Variants in DENND5B observed in about 807,000 individuals in gnomAD.
DENND5B encodes the protein DENN domain-containing protein 5B.
A neutral mutation model predicts 140.6 loss-of-function variants in DENND5B; 34 were observed. The observed-to-expected ratio is 0.24, with a 90% confidence interval of 0.18 to 0.32. The LOEUF is 0.32. Among genes scored for constraint, DENND5B ranks in the 10% least tolerant of loss-of-function variants. The pLI, the probability that DENND5B is intolerant of heterozygous loss-of-function variation, is 1.00. For synonymous variants in DENND5B, 551 were observed against 562.1 expected (o/e 0.98, Z 0.28); for missense variants, 1,142 against 1,560.2 (o/e 0.73, Z 4.52).
At chr12:31,546,973 CAAAG>C (rs1948885649) in intron 1 of DENND5B, among the ~76,000 whole-genome samples, 1 of 152,154 alleles carries the variant, frequency 6.6e-6, no homozygotes, top group African/African-American at 2.4e-5. Context: ...TTAACAGAAA[CAAAG>C]AGTCACACAT....
chr12:31,573,547 A>C (rs1226093066), intron 1 of DENND5B, among the ~76,000 whole-genome samples: 1 of 152,204 alleles, frequency 6.6e-6, no homozygotes, highest in Non-Finnish European at 1.5e-5. Flanking sequence ...AAAAAGCTAA[A>C]TTTTTACTCT....
At chr12:31,566,092 C>T (rs1295541846) in intron 1 of DENND5B, among the ~76,000 whole-genome samples, 1 of 152,114 alleles carries the variant, frequency 6.6e-6, no homozygotes, top group African/African-American at 2.4e-5. Context: ...TGGCAGTGAG[C>T]TGAGATCACA....
chr12:31,541,416 A>G (rs1027704735), intron 1 of DENND5B, among the ~76,000 whole-genome samples: 1 of 152,228 alleles, frequency 6.6e-6, no homozygotes, highest in African/African-American at 2.4e-5. Context: ...ACATTTCTCA[A>G]AAGACATACA....
chr12:31,446,012 GAA>G (rs140419035), intron 6 of DENND5B, among the ~76,000 whole-genome samples: 3 of 133,776 alleles, frequency 2.2e-5, no homozygotes, highest in African/African-American at 2.8e-5. Flanking sequence ...TGTCTCAAAA[GAA>G]AAAAAAAAAA....
At chr12:31,561,827 A>G (rs932124985) in intron 1 of DENND5B, among the ~76,000 whole-genome samples, 9 of 152,208 alleles carry the variant, frequency 5.9e-5, no homozygotes, top group Admixed American at 4.6e-4. Context: ...CAAACACATG[A>G]GCATTTTTTC....
intron 1 of DENND5B, chr12:31,534,714 A>G: frequency 6.4e-6 from 2 of 313,680 alleles, no homozygotes; most frequent in Non-Finnish European, 1.3e-5. Flanking sequence ...TAGAACCATT[A>G]AGACTGAGGT....
chr12:31,454,381 CTAAATAAA>C (rs1218887268), intron 4 of DENND5B, among the ~76,000 whole-genome samples: 4 of 152,144 alleles, frequency 2.6e-5, no homozygotes, highest in African/African-American at 9.7e-5. Flanking sequence ...GCAGTTTTCT[CTAAATAAA>C]TAAAGAGCTG....
chr12:31,555,427 AG>A (rs943855111), intron 1 of DENND5B, among the ~76,000 whole-genome samples: 2 of 152,140 alleles, frequency 1.3e-5, no homozygotes, highest in Non-Finnish European at 2.9e-5. Flanking sequence ...TTTGTCTCAG[AG>A]GAGTACCTGG....
At chr12:31,436,209 C>T (rs1412274596) in intron 7 of DENND5B, among the ~76,000 whole-genome samples, 1 of 151,804 alleles carries the variant, frequency 6.6e-6, no homozygotes, top group Non-Finnish European at 1.5e-5. Context: ...AAGTGATTCT[C>T]CTGCCTCAGC....
At position 31,532,067 on chromosome 12, in the gene DENND5B, C is replaced by G. The variant is rs768486832; in HGVS notation, c.128-36148G>C. On this transcript the variant is annotated intron_variant, in intron 1 of 20. Transcript: ENST00000389082. Reference sequence around the variant, plus strand: ...TGGAATTTCCAGTTTGGGGAGAAGACTGACATTAATCAAAGGAATGCAATT... The same window carrying G: ...TGGAATTTCCAGTTTGGGGAGAAGAGTGACATTAATCAAAGGAATGCAATT... Among the ~76,000 whole-genome samples, 233 of 152,280 alleles carry G rather than the reference C, an allele frequency of 1.5e-3. 3 individuals carry two copies. The highest frequency in any genetic ancestry group is 2.1e-3 in the Non-Finnish European group (145 of 68,030).
intron 6 of DENND5B, among the ~76,000 whole-genome samples, chr12:31,444,417 T>C (rs934792735): frequency 4.6e-5 from 7 of 152,150 alleles, no homozygotes; most frequent in Non-Finnish European, 5.9e-5. Context: ...CTAATTTTTG[T>C]ATTTTTAGTA....
chr12:31,389,592 T>C, intron 19 of DENND5B, 94 bp from the exon 20 acceptor site: 1 of 1,244,836 alleles, frequency 8.0e-7, no homozygotes, highest in Admixed American at 2.3e-5. Context: ...ACACTAACGA[T>C]GCTTTGCATA....
intron 14 of DENND5B, among the ~76,000 whole-genome samples, chr12:31,403,605 G>C (rs708197): frequency 1.4e-5 from 2 of 138,566 alleles, no homozygotes; most frequent in Admixed American, 7.1e-5. Flanking sequence ...AAAAAAAAAA[G>C]AAAGAAAAAA....
intron 1 of DENND5B, among the ~76,000 whole-genome samples, chr12:31,574,470 G>A (rs900521703): frequency 5.3e-5 from 8 of 151,774 alleles, no homozygotes; most frequent in Admixed American, 5.3e-4. Context: ...CATGCCTGTA[G>A]TCCCAGCTAC....
rs1041985566 is a variant in DENND5B at position 31,520,927 on chromosome 12, C to T, written c.128-25008G>A. 5.5e-4 allele frequency among the ~76,000 whole-genome samples: 83 copies of T among 152,064 alleles called. 1 individual carries two copies. Among genetic ancestry groups the T allele is most frequent in the African/African-American group, 2.0e-3 (81 of 41,398 alleles). On this transcript the variant is annotated intron_variant, in intron 1 of 20. Transcript: ENST00000389082. ...ACTTCTTGTATCCAAAATATTGCTC[C>T]AACATGTAATAAACATACAAAAATG...
intron 20 of DENND5B, among the ~76,000 whole-genome samples, chr12:31,388,502 T>C (rs1009523397): frequency 6.6e-6 from 1 of 152,148 alleles, no homozygotes; most frequent in Non-Finnish European, 1.5e-5. Context: ...CTTCAATGTT[T>C]CCTGATCAAA....
intron 1 of DENND5B, among the ~76,000 whole-genome samples, chr12:31,554,557 C>T (rs987146515): frequency 3.3e-5 from 5 of 152,200 alleles, no homozygotes; most frequent in South Asian, 2.1e-4. Flanking sequence ...GTTGCTCTCT[C>T]GAGGAGTATC....
intron 1 of DENND5B, among the ~76,000 whole-genome samples, chr12:31,570,733 G>A (rs1017363369): frequency 1.3e-5 from 2 of 151,886 alleles, no homozygotes; most frequent in African/African-American, 4.8e-5. Context: ...AATGAGAAAT[G>A]CACATCTGTC....
At chr12:31,410,749 A>C (rs751860783) in intron 13 of DENND5B, among the ~76,000 whole-genome samples, 5 of 152,128 alleles carry the variant, frequency 3.3e-5, no homozygotes, top group Non-Finnish European at 5.9e-5. Context: ...CAGGAAAGTT[A>C]AATATTTTGT....
Sources: gnomAD v4.1 joint callset for allele counts (sites outside exome capture counted in the v4.1 genomes callset) on GRCh38, gnomAD v4.1.1 for gene constraint, MANE v1.5 for transcripts, NCBI Gene and HGNC (gene_info 2026-07-23, HGNC 2026-07-21) for gene names.